The following ATP2C1 variants were observed in gnomAD, a reference collection of about 807,000 sequenced individuals.
The protein encoded by ATP2C1 is ATPase secretory pathway Ca2+ transporting 1, also known as calcium-transporting ATPase type 2C member 1.
Under a neutral mutation model 120.5 loss-of-function variants are expected in ATP2C1, and 31 were observed. That is an observed-to-expected ratio of 0.26 (90% CI 0.19 to 0.35). The LOEUF (loss-of-function observed/expected upper bound fraction) is 0.35. ATP2C1 is among the 10% of genes least tolerant of loss of function. The pLI, the probability that ATP2C1 is intolerant of heterozygous loss-of-function variation, is 1.00. For missense variants in ATP2C1, 731 were observed against 1,107.5 expected (o/e 0.66, Z 4.83); for synonymous variants, 351 against 358.7 (o/e 0.98, Z 0.24).
At chr3:130,914,224 A>G (rs1453196467) in intron 2 of ATP2C1, 1 of 152,206 alleles carries the variant, frequency 6.6e-6, no homozygotes, top group African/African-American at 2.4e-5. Flanking sequence ...TTAAGGATAA[A>G]TAGTTGATCT....
intron 1 of ATP2C1, among the ~76,000 whole-genome samples, chr3:130,876,547 A>G (rs1427091116): frequency 6.6e-6 from 1 of 152,184 alleles, no homozygotes; most frequent in African/African-American, 2.4e-5. Flanking sequence ...GAAGCCAGAT[A>G]CAGTGATGCA....
At chr3:130,973,096 C>T (rs186495982) in intron 17 of ATP2C1, among the ~76,000 whole-genome samples, 1 of 152,030 alleles carries the variant, frequency 6.6e-6, no homozygotes, top group African/African-American at 2.4e-5. Context: ...ACAGAAGATC[C>T]AGTAATTACC....
chr3:130,877,714 G>A (rs973685308), intron 1 of ATP2C1, among the ~76,000 whole-genome samples: 3 of 152,118 alleles, frequency 2.0e-5, no homozygotes, highest in Non-Finnish European at 4.4e-5. Context: ...TTCAACCATT[G>A]TGGAAGTCAG....
At chr3:130,928,230 C>G (rs907604741) in intron 2 of ATP2C1, 2 of 152,352 alleles carry the variant, frequency 1.3e-5, no homozygotes, top group Non-Finnish European at 2.9e-5. Flanking sequence ...TAGTACTCCT[C>G]CACTTGTGAA....
intron 1 of ATP2C1, among the ~76,000 whole-genome samples, chr3:130,882,018 C>A (rs2107820249): frequency 6.6e-6 from 1 of 152,144 alleles, no homozygotes; most frequent in East Asian, 1.9e-4. Context: ...GAAACTTCTT[C>A]TTTTACAATT....
In ATP2C1 at chr3:130,978,929, TAA is replaced by T. The variant is rs531026582; in HGVS notation, c.1571-318_1571-317del. ...TCTCTAAATAATTAATTCTATTTTTTAAAGAGGTAGAGTTCCTGTTGAAAGTA... is the reference window on the plus strand; with the variant it reads ...TCTCTAAATAATTAATTCTATTTTTTAGAGGTAGAGTTCCTGTTGAAAGTA... On this transcript the variant is annotated intron_variant, in intron 18 of 27. Transcript: ENST00000510168. Among the ~76,000 whole-genome samples, 589 of 152,356 alleles carry T rather than the reference TAA, an allele frequency of 3.9e-3. 1 individual carries two copies. Among genetic ancestry groups the T allele is most frequent in the Middle Eastern group, 0.017 (5 of 294 alleles).
intron 10 of ATP2C1, among the ~76,000 whole-genome samples, chr3:130,955,392 A>G (rs1391023902): frequency 1.3e-5 from 2 of 152,228 alleles, no homozygotes; most frequent in African/African-American, 2.4e-5. Flanking sequence ...AGTAATTAGT[A>G]TATTTGTACC....
Position 130,894,954 on chromosome 3 carries a change from A to T in ATP2C1, c.6+179A>T, listed in dbSNP as rs1306253181. The stretch of plus-strand genomic sequence containing the variant: ...AGCTTTTATTTTGGTAACATGGGGC[A>T]TTTGAGAGATTGAGGTTCTGTGGGT... On this transcript the variant is annotated intron_variant, in intron 2 of 27. Transcript: ENST00000510168. The surrounding 1 kb of genome is among the most constrained non-coding windows in gnomAD (Gnocchi z 4.5). Among the ~76,000 whole-genome samples the T allele has an allele frequency of 6.6e-6, 1 of 152,148 alleles. No homozygotes were observed.
At chr3:130,895,583 G>A (rs189043497) in intron 2 of ATP2C1, among the ~76,000 whole-genome samples, 10 of 151,290 alleles carry the variant, frequency 6.6e-5, no homozygotes, top group African/African-American at 2.4e-4. Flanking sequence ...TTTTTCTTCT[G>A]CCTTTAACCG....
intron 8 of ATP2C1, among the ~76,000 whole-genome samples, chr3:130,945,661 C>T (rs982479251): frequency 6.6e-6 from 1 of 151,982 alleles, no homozygotes; most frequent in African/African-American, 2.4e-5. Context: ...TGATGGTTTC[C>T]AGCTTCATCC....
chr3:131,010,490 G>A (rs1246973402), intron 26 of ATP2C1, among the ~76,000 whole-genome samples: 3 of 152,174 alleles, frequency 2.0e-5, no homozygotes, highest in East Asian at 3.9e-4. Context: ...CACCACGCCC[G>A]GCCACCTTTT....
chr3:130,968,331 G>A (rs1368103923), intron 16 of ATP2C1, among the ~76,000 whole-genome samples: 1 of 152,002 alleles, frequency 6.6e-6, no homozygotes, highest in Non-Finnish European at 1.5e-5. Flanking sequence ...TCTTTTTATG[G>A]GCAGAGACCT....
At chr3:130,994,770 G>A (rs2062525591) in intron 22 of ATP2C1, among the ~76,000 whole-genome samples, 1 of 152,074 alleles carries the variant, frequency 6.6e-6, no homozygotes, top group South Asian at 2.1e-4. Context: ...GGAAACATTT[G>A]GGAGCTTAGG....
At chr3:130,861,038 G>A (rs2067997522) in intron 1 of ATP2C1, among the ~76,000 whole-genome samples, 1 of 152,218 alleles carries the variant, frequency 6.6e-6, no homozygotes, top group Admixed American at 6.5e-5. Context: ...GAGAGGCTGA[G>A]GTGGGTGGAT....
chr3:130,854,878 C>T (rs1436358580), intron 1 of ATP2C1, among the ~76,000 whole-genome samples: 2 of 152,204 alleles, frequency 1.3e-5, no homozygotes, highest in Non-Finnish European at 2.9e-5. Flanking sequence ...TGCATCCAAT[C>T]ATCTACTTGA....
intron 2 of ATP2C1, among the ~76,000 whole-genome samples, chr3:130,902,154 C>T (rs931851308): frequency 1.3e-5 from 2 of 151,938 alleles, no homozygotes; most frequent in African/African-American, 4.8e-5. Context: ...AGAATTAGAC[C>T]AGGCAGGGTG....
At position 130,975,325 on chromosome 3, in the gene ATP2C1, T is replaced by C. The variant is rs948703226; in HGVS notation, c.1414-7T>C. 6.2e-7 allele frequency: 1 copy of C among 1,613,618 alleles called. No individual in the cohort carries two copies. The highest frequency in any genetic ancestry group is 8.5e-7 in the Non-Finnish European group (1 of 1,179,642). On this transcript the variant is annotated splice_region_variant and splice_polypyrimidine_tract_variant and intron_variant, in intron 17 of 27. Coordinates refer to ENST00000510168, the MANE Select transcript of ATP2C1 (RefSeq NM_001378687.1). ...TTAAACTTGTGTTTGGTACATTTTC[T>C]TCTTAGGACAGACCAGAGATTTGTT...
intron 24 of ATP2C1, among the ~76,000 whole-genome samples, 164 bp downstream of exon 24, chr3:130,996,960 T>C (rs955847446): frequency 3.3e-5 from 5 of 152,200 alleles, no homozygotes; most frequent in South Asian, 2.1e-4. Flanking sequence ...TTAATTCTTT[T>C]TGAGTGTGCA....
In ATP2C1 at chr3:131,002,482, T is replaced by C. The variant is rs976247593; in HGVS notation, c.*1132T>C. ...GAGTATATCTCTTCTACTTTCATCA[T>C]GTGTTCTGTACCTTCTTTTTGTTTC... On this transcript the variant is annotated 3_prime_UTR_variant, in exon 28 of 28. Transcript: ENST00000510168. 6.1e-6 allele frequency: 6 copies of C among 985,428 alleles called. No individual in the cohort carries two copies. Among genetic ancestry groups the C allele is most frequent in the Non-Finnish European group, 7.2e-6 (6 of 829,918 alleles). 61.0% of individuals were successfully genotyped at this position (985,428 alleles called of 1,614,324 possible). A position where few individuals can be genotyped will look rare whatever the true frequency, so the allele number is the denominator to read the frequency against.
Sources: allele counts gnomAD v4.1 joint callset (sites outside exome capture counted in the v4.1 genomes callset), GRCh38; gene constraint gnomAD v4.1.1; non-coding constraint Gnocchi (gnomAD v3.1); transcripts MANE v1.5; gene names NCBI Gene and HGNC (gene_info 2026-07-23, HGNC 2026-07-21).